Variants in KANSL3 observed in about 807,000 individuals in gnomAD.
KANSL3 encodes KAT8 regulatory NSL complex subunit 3, also known as NSL complex protein NSL3.
A neutral mutation model predicts 89.2 loss-of-function variants in KANSL3; 16 were observed. The observed-to-expected ratio is 0.18, with a 90% CI of 0.12 to 0.27. KANSL3 has a LOEUF of 0.27. Among genes scored for constraint, KANSL3 ranks in the 10% least tolerant of loss-of-function variants. The pLI, the probability that KANSL3 is intolerant of heterozygous loss-of-function variation, is 1.00. For synonymous variants in KANSL3, 385 were observed against 419.7 expected (o/e 0.92, Z 1.01); for missense variants, 879 against 1,110.6 (o/e 0.79, Z 2.96).
intron 14 of KANSL3, chr2:96,606,117 T>C (rs772811058): frequency 6.6e-6 from 1 of 152,432 alleles, no homozygotes; most frequent in Non-Finnish European, 1.5e-5. Flanking sequence ...TCACCAGGAC[T>C]AAAAGCTGGC....
At position 96,608,867 on chromosome 2, in the gene KANSL3, T is replaced by C; in HGVS notation, c.1581A>G (p.Ser527=). The change falls in exon 13 of 21, where the codon TCA becomes TCG. Residue 527 remains serine (S), a synonymous_variant. Coordinates refer to ENST00000431828, the MANE Select transcript of KANSL3 (RefSeq NM_001115016.3). ...AAKLPASPSG[S]EDLSSVSSSP... ...GCTCCCTCCCTGCTCACACTACCTCTGAGCCTGAGGGTGAGGCGGGCAGCT... is the reference window on the plus strand; with the variant it reads ...GCTCCCTCCCTGCTCACACTACCTCCGAGCCTGAGGGTGAGGCGGGCAGCT... 1 of 1,577,350 alleles carries C rather than the reference T, an allele frequency of 6.3e-7. No individual in the cohort carries two copies. Among genetic ancestry groups the C allele is most frequent in the South Asian group, 1.2e-5 (1 of 85,928 alleles).
In KANSL3 at chr2:96,611,079, C is replaced by T. The variant is rs1219237416; in HGVS notation, c.1146G>A (p.Val382=). ...ACATTCTTACCCCTCTGGGGCCATC[C>T]ACAGTAAGCAGAGGAAACCCAAGGC... ...VVCLGFPLLT[V]DGPRGDVDDP... Residue 382 remains valine, a synonymous_variant, in exon 10 of 21, where the codon GTG becomes GTA. Transcript: ENST00000431828. 2 of 1,613,990 alleles carry T rather than the reference C, an allele frequency of 1.2e-6. No individual in the cohort carries two copies. The highest frequency in any genetic ancestry group is 2.2e-5 in the East Asian group (1 of 44,894).
chr2:96,624,670 C>T (rs1376249753), intron 3 of KANSL3, among the ~76,000 whole-genome samples: 1 of 151,926 alleles, frequency 6.6e-6, no homozygotes, highest in Admixed American at 6.6e-5. Context: ...TACAGGTGCC[C>T]GCCACCACGC....
chr2:96,586,176 A>C, the KANSL3 span, among the ~76,000 whole-genome samples: 1 of 151,738 alleles, frequency 6.6e-6, no homozygotes, highest in African/African-American at 2.4e-5. Flanking sequence ...AGTAAGCCAA[A>C]ATCGTGCCAC....
intron 18 of KANSL3, 122 bp downstream of exon 18, chr2:96,602,631 T>C: frequency 2.6e-6 from 2 of 768,458 alleles, no homozygotes; most frequent in South Asian, 1.8e-5. Context: ...CCCTGCTATG[T>C]AGCTAGAAGG....
chr2:96,589,905 T>C (rs544153803), downstream of KANSL3, among the ~76,000 whole-genome samples: 8 of 152,124 alleles, frequency 5.3e-5, no homozygotes, highest in Non-Finnish European at 1.5e-5. Context: ...TCCCAGCACT[T>C]TGGGAGGCTG....
At chr2:96,598,908 CAAAAAA>C (rs10551331) in intron 20 of KANSL3, among the ~76,000 whole-genome samples, 15 of 44,970 alleles carry the variant, frequency 3.3e-4, no homozygotes, top group African/African-American at 6.7e-4. Context: ...GAGACTGTCT[CAAAAAA>C]AAAAAAAAAA....
rs562087576 is a variant in KANSL3, at chr2:96,631,941, G to C, written c.216-459C>G. Among the ~76,000 whole-genome samples the C allele has an allele frequency of 1.4e-4, 21 of 152,174 alleles. No homozygotes were observed. The East Asian group carries it at 3.9e-3, about 28-fold the overall frequency. On this transcript the variant is annotated intron_variant, in intron 2 of 20. Transcript: ENST00000431828. ...CACACCTGTGATCCCAGCTACTAAG[G>C]AGGCTAAGGTGGGAGGACTGCTGGA... is the stretch of plus-strand genomic sequence containing the variant.
chr2:96,601,978 A>C, intron 19 of KANSL3, 138 bp downstream of exon 19: 1 of 1,167,250 alleles, frequency 8.6e-7, no homozygotes, highest in Admixed American at 2.9e-5. Flanking sequence ...GGATGGGTCC[A>C]CACAGCTGAA....
intron 14 of KANSL3, 41 bp from the exon 15 acceptor site, chr2:96,605,552 A>C: frequency 3.9e-6 from 6 of 1,537,992 alleles, no homozygotes; most frequent in Non-Finnish European, 5.4e-6. Context: ...ACAATCCAAA[A>C]AATCCCAACA....
Position 96,595,493 on chromosome 2 carries a change from A to AGG in KANSL3, c.*117_*118insCC. 1 of 1,033,958 alleles carries AGG rather than the reference A, an allele frequency of 9.7e-7. No homozygotes were observed. The highest frequency in any genetic ancestry group is 1.6e-5 in the South Asian group (1 of 61,534). The allele number at this position is 1,033,958 out of a possible 1,614,324, so 64.0% of individuals were successfully genotyped here. Reference sequence around the variant, plus strand: ...GACAGTTGGCGGAGAGGCAAAAATGACTGTCTTAAACAGGTCTTCCGACAC... The same window carrying AGG: ...GACAGTTGGCGGAGAGGCAAAAATGAGGCTGTCTTAAACAGGTCTTCCGACAC... On this transcript the variant is annotated 3_prime_UTR_variant, in exon 21 of 21. Coordinates refer to ENST00000431828, the MANE Select transcript of KANSL3 (RefSeq NM_001115016.3).
chr2:96,588,103 AT>A, the KANSL3 span, among the ~76,000 whole-genome samples: 1 of 152,168 alleles, frequency 6.6e-6, no homozygotes, highest in Non-Finnish European at 1.5e-5. Flanking sequence ...GTGGCTGAAA[AT>A]TCCCCAAATA....
intron 5 of KANSL3, among the ~76,000 whole-genome samples, chr2:96,617,681 G>A (rs546912416): frequency 8.6e-5 from 13 of 152,030 alleles, no homozygotes; most frequent in Admixed American, 3.3e-4. Context: ...TAGCAAGACC[G>A]TCTCTACAAA....
rs2069178573 is a variant in KANSL3, at chr2:96,612,447, T to C, written c.1014+15A>G. 4.3e-6 allele frequency: 7 copies of C among 1,610,826 alleles called. No homozygotes were observed. Among genetic ancestry groups the C allele is most frequent in the Non-Finnish European group, 5.9e-6 (7 of 1,177,086 alleles). On this transcript the variant is annotated intron_variant, in intron 8 of 20. Transcript: ENST00000431828. The stretch of plus-strand genomic sequence containing the variant: ...CTGGGTATGCCACAATGTACTGAAA[T>C]ACGGGCATTCTCACCTCCAGCACTT...
At chr2:96,603,838 A>C (rs1469005918) in intron 17 of KANSL3, 1 of 155,374 alleles carries the variant, frequency 6.4e-6, no homozygotes, top group Non-Finnish European at 1.4e-5. Flanking sequence ...CACGGATAGA[A>C]ACCTGTGGAT....
At chr2:96,611,848 T>C (rs1237857871) in intron 9 of KANSL3, among the ~76,000 whole-genome samples, 1 of 150,918 alleles carries the variant, frequency 6.6e-6, no homozygotes, top group East Asian at 1.9e-4. Context: ...AGTATGGTAC[T>C]TATGTTTAGA....
chr2:96,636,105 C>T (rs542700219), intron 2 of KANSL3, among the ~76,000 whole-genome samples: 5 of 152,104 alleles, frequency 3.3e-5, no homozygotes, highest in African/African-American at 1.2e-4. Context: ...GGCTCTAACC[C>T]CCAACAAAAT....
chr2:96,586,231 A>G, the KANSL3 span, among the ~76,000 whole-genome samples: 1 of 151,988 alleles, frequency 6.6e-6, no homozygotes. Context: ...TCTCAAAAAA[A>G]AAAAAAAAAA....
chr2:96,580,746 T>A, the KANSL3 span, among the ~76,000 whole-genome samples: 1 of 152,234 alleles, frequency 6.6e-6, no homozygotes, highest in South Asian at 2.1e-4. Flanking sequence ...ATGTGTGGAA[T>A]CCCTGCAAAA....
Sources: allele counts gnomAD v4.1 joint callset (sites outside exome capture counted in the v4.1 genomes callset), GRCh38; gene constraint gnomAD v4.1.1; transcripts MANE v1.5; gene names NCBI Gene and HGNC (gene_info 2026-07-23, HGNC 2026-07-21).